EHF: variants seen among roughly 807,000 people sequenced by gnomAD.
The protein encoded by EHF is ESE3 transcription factor.
EHF carries 14 observed loss-of-function variants against 45.1 expected under a neutral mutation model. That is an observed-to-expected ratio of 0.31 (90% CI 0.21 to 0.49). The LOEUF (loss-of-function observed/expected upper bound fraction) is 0.49, where lower values mean the gene tolerates loss of function less well. Among genes scored for constraint, EHF ranks in the 20% least tolerant of loss-of-function variants. EHF has a pLI of 0.99. For synonymous variants in EHF, 136 were observed against 131.8 expected, an observed-to-expected ratio of 1.03 and a Z score of -0.22; for missense variants, 282 against 371.4, an observed-to-expected ratio of 0.76 and a Z score of 1.98.
chr11:34,636,438 C>T (rs965205280), intron 1 of EHF, among the ~76,000 whole-genome samples: 31 of 152,190 alleles, frequency 2.0e-4, no homozygotes, highest in African/African-American at 7.5e-4. Flanking sequence ...AAGGATGTCC[C>T]CAGTGCCAGC....
chr11:34,636,715 T>G (rs1394297419), intron 1 of EHF, among the ~76,000 whole-genome samples: 1 of 152,082 alleles, frequency 6.6e-6, no homozygotes, highest in East Asian at 1.9e-4. Flanking sequence ...GAGCCCTTAT[T>G]CTTTTAAGAG....
At chr11:34,648,493 A>C (rs1011519113) in intron 3 of EHF, among the ~76,000 whole-genome samples, 2 of 152,198 alleles carry the variant, frequency 1.3e-5, no homozygotes, top group African/African-American at 2.4e-5. Context: ...CATTTTATCC[A>C]GACATATCTC....
rs138741050 is a variant in EHF at position 34,644,682 on chromosome 11, C to T, written c.98-1757C>T. On this transcript the variant is annotated intron_variant, in intron 2 of 8. Coordinates refer to ENST00000257831, the MANE Select transcript of EHF (RefSeq NM_012153.6). ...GGAAGAAGAGGGATTGGGTCAGAAA[C>T]ATTTCCCTTTCAGTCTCTCCTCTGA... 4.6e-5 allele frequency among the ~76,000 whole-genome samples: 7 copies of T among 151,948 alleles called. No homozygotes were observed. The South Asian group carries it at 1.0e-3, about 22-fold the overall frequency.
chr11:34,659,336 C>T lies in EHF; in HGVS notation c.*405C>T. 6.1e-6 allele frequency: 1 copy of T among 163,342 alleles called. No individual in the cohort carries two copies. The highest frequency in any genetic ancestry group is 1.3e-5 in the Non-Finnish European group (1 of 75,626). The allele number at this position is 163,342 out of a possible 1,614,324, so 10.1% of individuals were successfully genotyped here. On this transcript the variant is annotated 3_prime_UTR_variant, in exon 9 of 9. Coordinates refer to ENST00000257831, the MANE Select transcript of EHF (RefSeq NM_012153.6). The stretch of plus-strand genomic sequence containing the variant: ...GATTTAGAAAAAGGTGATGCATCCT[C>T]CTCACATAAGCATCCATATGGCTTC...
At chr11:34,653,622 A>G (rs1855405707) in intron 6 of EHF, among the ~76,000 whole-genome samples, 1 of 152,118 alleles carries the variant, frequency 6.6e-6, no homozygotes, top group Non-Finnish European at 1.5e-5. Context: ...GAATCAATGC[A>G]GTCTCTGGGG....
At chr11:34,654,031 T>C (rs915337541) in intron 6 of EHF, among the ~76,000 whole-genome samples, 2 of 152,224 alleles carry the variant, frequency 1.3e-5, no homozygotes, top group African/African-American at 4.8e-5. Context: ...ATCCACTGAC[T>C]TGTTGAGCCT....
rs2134249695 is a variant in EHF at position 34,660,062 on chromosome 11, G to T, written c.*1131G>T. ...ATTCTCAGAAGAAAAAGATATGTAAGGTCTTTTAGCTCCTTAGAGTGAAGC... is the reference window on the plus strand; with the variant it reads ...ATTCTCAGAAGAAAAAGATATGTAATGTCTTTTAGCTCCTTAGAGTGAAGC... On this transcript the variant is annotated 3_prime_UTR_variant, in exon 9 of 9. Coordinates refer to ENST00000257831, the MANE Select transcript of EHF (RefSeq NM_012153.6). 1 of 152,154 alleles carries T rather than the reference G, an allele frequency of 6.6e-6. No individual in the cohort carries two copies. Among genetic ancestry groups the T allele is most frequent in the Middle Eastern group, 3.4e-3 (1 of 294 alleles). 9.4% of individuals were successfully genotyped at this position (152,154 alleles called of 1,614,324 possible). A position where few individuals can be genotyped will look rare whatever the true frequency, so the allele number is the denominator to read the frequency against.
intron 1 of EHF, among the ~76,000 whole-genome samples, chr11:34,641,017 T>A (rs770778802): frequency 1.4e-4 from 22 of 152,128 alleles, no homozygotes; most frequent in Non-Finnish European, 2.5e-4. Flanking sequence ...TCTGGGTGAG[T>A]ACTAACCTTA....
intron 2 of EHF, among the ~76,000 whole-genome samples, chr11:34,645,933 AAT>A (rs772654913): frequency 2.0e-5 from 3 of 152,066 alleles, no homozygotes; most frequent in African/African-American, 4.8e-5. Context: ...GTAGATCAAT[AAT>A]CTGGACCACT....
Position 34,658,904 on chromosome 11 carries a change from C to T in EHF, c.876C>T (p.Ala292=), listed in dbSNP as rs1855905234. The T allele has an allele frequency of 6.2e-7, 1 of 1,612,956 alleles. No individual in the cohort carries two copies. Among genetic ancestry groups the T allele is most frequent in the African/African-American group, 1.3e-5 (1 of 74,756 alleles). Residue 292 remains alanine, a synonymous_variant, in exon 9 of 9, where the codon GCC becomes GCT. Coordinates refer to ENST00000257831, the MANE Select transcript of EHF (RefSeq NM_012153.6). ...TGGTATATAAATTTGGGAAGAATGCCCGAGGATGGAGAGAAAATGAAAACT... is the reference window on the plus strand; with the variant it reads ...TGGTATATAAATTTGGGAAGAATGCTCGAGGATGGAGAGAAAATGAAAACT... ...RRLVYKFGKN[A]RGWRENEN
intron 1 of EHF, among the ~76,000 whole-genome samples, chr11:34,626,605 G>A (rs1852397241): frequency 6.6e-6 from 1 of 152,194 alleles, no homozygotes; most frequent in Non-Finnish European, 1.5e-5. Context: ...TCTAAATTCA[G>A]CCTCTGTCTT....
At chr11:34,631,279 G>A (rs978363731) in intron 1 of EHF, among the ~76,000 whole-genome samples, 2 of 152,108 alleles carry the variant, frequency 1.3e-5, no homozygotes, top group Admixed American at 6.5e-5. Flanking sequence ...TGATATGCCC[G>A]CCTCGGACTC....
At chr11:34,640,594 C>T (rs536046413) in intron 1 of EHF, among the ~76,000 whole-genome samples, 3 of 152,312 alleles carry the variant, frequency 2.0e-5, no homozygotes, top group South Asian at 2.1e-4. Context: ...GATTTTCTTT[C>T]GTCTTGAAGT....
In EHF at chr11:34,660,281, G is replaced by A. The variant is rs2134250542; in HGVS notation, c.*1350G>A. ...TACAAAGCAGAATTAAAATTATATT[G>A]TAGAAGGAAACACCAAGAAAAGAAT... On this transcript the variant is annotated 3_prime_UTR_variant, in exon 9 of 9. Transcript: ENST00000257831. The A allele has an allele frequency of 6.6e-6, 1 of 152,178 alleles. No individual in the cohort carries two copies. Among genetic ancestry groups the A allele is most frequent in the African/African-American group, 2.4e-5 (1 of 41,534 alleles). The allele number at this position is 152,178 out of a possible 1,614,324, so 9.4% of individuals were successfully genotyped here. A position where few individuals can be genotyped will look rare whatever the true frequency, so the allele number is the denominator to read the frequency against.
At chr11:34,654,236 G>A (rs1346408148) in intron 6 of EHF, among the ~76,000 whole-genome samples, 1 of 152,190 alleles carries the variant, frequency 6.6e-6, no homozygotes, top group Non-Finnish European at 1.5e-5. Context: ...TAGGACCTTG[G>A]CCTGGAGTGC....
At chr11:34,626,211 G>T (rs1852361797) in intron 1 of EHF, among the ~76,000 whole-genome samples, 1 of 152,164 alleles carries the variant, frequency 6.6e-6, no homozygotes, top group Non-Finnish European at 1.5e-5. Context: ...CTTGGGGGCT[G>T]GGCTCTTGTT....
rs564539730 is a variant in EHF, at chr11:34,656,192, C to T, written c.545-716C>T. On this transcript the variant is annotated intron_variant, in intron 6 of 8. Coordinates refer to ENST00000257831, the MANE Select transcript of EHF (RefSeq NM_012153.6). Reference sequence around the variant, plus strand: ...CCATCATCTCCTCTTTGGTAATAGTCGCAGAGGTTGCCATAATGAGTCATT... The same window carrying T: ...CCATCATCTCCTCTTTGGTAATAGTTGCAGAGGTTGCCATAATGAGTCATT... Among the ~76,000 whole-genome samples, 13 of 152,192 alleles carry T rather than the reference C, an allele frequency of 8.5e-5. 1 individual carries two copies. The South Asian group carries it at 2.7e-3, about 32-fold the overall frequency.
At chr11:34,638,506 G>A (rs1215692314) in intron 1 of EHF, among the ~76,000 whole-genome samples, 1 of 152,188 alleles carries the variant, frequency 6.6e-6, no homozygotes, top group African/African-American at 2.4e-5. Context: ...GCCTAAGTTT[G>A]TCACGTCAGT....
chr11:34,634,328 G>T (rs922645547), intron 1 of EHF, among the ~76,000 whole-genome samples: 4 of 152,214 alleles, frequency 2.6e-5, no homozygotes, highest in Non-Finnish European at 5.9e-5. Flanking sequence ...GACTGAGAAT[G>T]GTGTGGGTAT....
Sources: gnomAD v4.1 joint callset for allele counts (sites outside exome capture counted in the v4.1 genomes callset) on GRCh38, gnomAD v4.1.1 for gene constraint, MANE v1.5 for transcripts, NCBI Gene and HGNC (gene_info 2026-07-23, HGNC 2026-07-21) for gene names.